SV2C: variants seen among roughly 807,000 people sequenced by gnomAD.
The protein encoded by SV2C is solute carrier family 22 member B3.
SV2C carries 49 observed loss-of-function variants against 79.7 expected under a neutral mutation model. The observed-to-expected ratio is 0.61, with a 90% CI of 0.49 to 0.78. The LOEUF (loss-of-function observed/expected upper bound fraction) is 0.78. SV2C is among the 30% of genes least tolerant of loss of function. SV2C has a pLI of 0.00. For missense variants in SV2C, 833 were observed against 912.9 expected, an observed-to-expected ratio of 0.91 and a Z score of 1.13; for synonymous variants, 334 against 333.2, an observed-to-expected ratio of 1.00 and a Z score of -0.03.
At position 76,180,567 on chromosome 5, in the gene SV2C, GT is replaced by G. The variant is rs1212946903; in HGVS notation, c.581-14351del. Among the ~76,000 whole-genome samples the G allele has an allele frequency of 2.0e-5, 3 of 152,288 alleles. No homozygotes were observed. The East Asian group carries it at 5.8e-4, about 29-fold the overall frequency. On this transcript the variant is annotated intron_variant, in intron 2 of 12. Transcript: ENST00000502798. ...ATTTGTTCCAGTTCTTTTCAGTCCA[GT>G]GACATGGTACCCTCTTGCTCCTCTG...
chr5:76,049,009 A>AAGAAAG, the SV2C span, among the ~76,000 whole-genome samples: 1 of 107,002 alleles, frequency 9.3e-6, no homozygotes, highest in Admixed American at 1.0e-4. Flanking sequence ...GAAAGAAAGA[A>AAGAAAG]AGAAAGAAAG....
chr5:76,274,052 G>A (rs1342829144), intron 4 of SV2C, among the ~76,000 whole-genome samples: 1 of 152,224 alleles, frequency 6.6e-6, no homozygotes. Flanking sequence ...CCATAAGTGA[G>A]ACCTGTATTG....
intron 4 of SV2C, among the ~76,000 whole-genome samples, chr5:76,284,206 A>G (rs1000551539): frequency 6.6e-6 from 1 of 152,102 alleles, no homozygotes; most frequent in African/African-American, 2.4e-5. Context: ...GTTTATTCAA[A>G]TATTAGCTTT....
the SV2C span, among the ~76,000 whole-genome samples, chr5:76,054,132 C>T: frequency 1.3e-5 from 2 of 152,014 alleles, no homozygotes; most frequent in African/African-American, 4.8e-5. Context: ...TGTCCAAATG[C>T]TCTCCCTCCC....
rs533067483 is a variant in SV2C at position 76,127,420 on chromosome 5, T to C, written c.-101-4230T>C. Reference sequence around the variant, plus strand: ...TATTTGTGCAAAATATCACACACAATGATTGTGCATGTCATTGACTATATC... The same window carrying C: ...TATTTGTGCAAAATATCACACACAACGATTGTGCATGTCATTGACTATATC... On this transcript the variant is annotated intron_variant, in intron 1 of 12. Transcript: ENST00000502798. 2.0e-5 allele frequency among the ~76,000 whole-genome samples: 3 copies of C among 152,364 alleles called. No individual in the cohort carries two copies. The South Asian group carries it at 6.2e-4, about 32-fold the overall frequency.
chr5:76,030,289 T>TTTTTTTTTTTTTTTTTTTTTTATTTA, the SV2C span, among the ~76,000 whole-genome samples: 5 of 117,872 alleles, frequency 4.2e-5, no homozygotes, highest in African/African-American at 1.9e-4. Flanking sequence ...TTTTTTTTTT[T>TTTTTTTTTTTTTTTTTTTTTTATTTA]TTTATTTATT....
chr5:76,237,992 A>C (rs72773784), intron 4 of SV2C, among the ~76,000 whole-genome samples: 1 of 126,094 alleles, frequency 7.9e-6, no homozygotes, highest in Non-Finnish European at 1.5e-5. Context: ...ACACACACAC[A>C]TACATACATA....
intron 12 of SV2C, among the ~76,000 whole-genome samples, chr5:76,303,840 A>G (rs1449245878): frequency 6.6e-6 from 1 of 152,222 alleles, no homozygotes; most frequent in Admixed American, 6.5e-5. Context: ...AGAGGAAATG[A>G]CTGTGAGAGA....
At chr5:75,991,704 A>G in the SV2C span, among the ~76,000 whole-genome samples, 59 of 150,302 alleles carry the variant, frequency 3.9e-4, no homozygotes, top group Non-Finnish European at 6.2e-4. Context: ...CATCAGATAG[A>G]TATATATATG....
the SV2C span, among the ~76,000 whole-genome samples, chr5:75,898,051 A>G: frequency 4.0e-5 from 6 of 151,890 alleles, no homozygotes; most frequent in East Asian, 1.9e-4. Flanking sequence ...CTAATTGAAT[A>G]CCCTTTATTT....
chr5:76,293,616 T>C (rs564798508), intron 8 of SV2C, among the ~76,000 whole-genome samples: 17 of 152,258 alleles, frequency 1.1e-4, no homozygotes, highest in African/African-American at 4.1e-4. Context: ...CCATAAATGT[T>C]GTACCCCTAA....
intron 2 of SV2C, 31 bp from the exon 3 acceptor site, chr5:76,194,888 G>C (rs745439721): frequency 6.2e-7 from 1 of 1,608,360 alleles, no homozygotes; most frequent in Non-Finnish European, 8.5e-7. Context: ...CCCAACCTCT[G>C]ATGTGTTTCT....
downstream of SV2C, among the ~76,000 whole-genome samples, chr5:76,337,650 G>T (rs1191961234): frequency 6.6e-6 from 1 of 152,164 alleles, no homozygotes; most frequent in African/African-American, 2.4e-5. Flanking sequence ...ACCTGTGCAT[G>T]CTGTTCATTC....
At chr5:75,918,138 A>T in the SV2C span, among the ~76,000 whole-genome samples, 4 of 152,238 alleles carry the variant, frequency 2.6e-5, no homozygotes, top group Non-Finnish European at 4.4e-5. Flanking sequence ...TTTATTTGGC[A>T]AGTGAACAAA....
intron 4 of SV2C, among the ~76,000 whole-genome samples, chr5:76,254,167 T>A (rs1484312261): frequency 6.7e-6 from 1 of 148,836 alleles, no homozygotes; most frequent in African/African-American, 2.6e-5. Context: ...TATATGTGTG[T>A]GTGTGTATAT....
At chr5:75,932,426 A>G in the SV2C span, among the ~76,000 whole-genome samples, 1 of 145,170 alleles carries the variant, frequency 6.9e-6, no homozygotes, top group Non-Finnish European at 1.5e-5. Context: ...GAATTAAGAC[A>G]AAGATACAGA....
At chr5:75,911,727 C>T in the SV2C span, 1 of 653,904 alleles carries the variant, frequency 1.5e-6, no homozygotes, top group East Asian at 3.6e-5. Flanking sequence ...AGATGGAAGA[C>T]AAGAAAGAGG....
At chr5:76,043,623 G>C in the SV2C span, among the ~76,000 whole-genome samples, 1 of 152,096 alleles carries the variant, frequency 6.6e-6, no homozygotes, top group African/African-American at 2.4e-5. Flanking sequence ...ATTTTGTTTT[G>C]AGGTGAAATA....
chr5:75,964,560 C>T, the SV2C span, among the ~76,000 whole-genome samples: 56 of 152,242 alleles, frequency 3.7e-4, no homozygotes, highest in South Asian at 1.5e-3. Flanking sequence ...TTCTCAGTCT[C>T]TTAGACTCTT....
Sources: allele counts gnomAD v4.1 joint callset (sites outside exome capture counted in the v4.1 genomes callset), GRCh38; gene constraint gnomAD v4.1.1; transcripts MANE v1.5; gene names NCBI Gene and HGNC (gene_info 2026-07-23, HGNC 2026-07-21).